Variants in RPS11 observed in about 807,000 individuals in gnomAD.
RPS11 encodes the protein ribosomal protein S11, also known as small ribosomal subunit protein uS17.
For missense variants in RPS11, 127 were observed against 211.4 expected (o/e 0.60, Z 2.48); for synonymous variants, 107 against 78.0 (o/e 1.37, Z -1.96).
intron 4 of RPS11, 90 bp from the exon 5 acceptor site, chr19:49,499,422 G>C (rs2079923501): frequency 7.0e-7 from 1 of 1,425,208 alleles, no homozygotes; most frequent in South Asian, 1.3e-5. Context: ...CCGAAGCAGA[G>C]AGCCTTTAGC....
In RPS11 at chr19:49,496,476, G is replaced by C. The variant is rs202145895; in HGVS notation, c.15+5G>C. 1.2e-6 allele frequency: 2 copies of C among 1,610,824 alleles called. No individual in the cohort carries two copies. Among genetic ancestry groups the C allele is most frequent in the Admixed American group, 1.7e-5 (1 of 59,824 alleles). ...GGGAAGATGGCGGACATTCAGGTGC[G>C]GACTCGGGGTTGGATGCCAGGGTGC... On this transcript the variant is annotated splice_donor_5th_base_variant and intron_variant, in intron 1 of 4. Coordinates refer to ENST00000270625, the MANE Select transcript of RPS11 (RefSeq NM_001015.5).
At chr19:49,498,467 T>A (rs1015237838) in intron 4 of RPS11, among the ~76,000 whole-genome samples, 1 of 152,154 alleles carries the variant, frequency 6.6e-6, no homozygotes, top group Non-Finnish European at 1.5e-5. Context: ...AGTTTCAGAT[T>A]CTAGCCAGGC....
chr19:49,499,317 TGTACAGC>T (rs1268514586), intron 4 of RPS11, among the ~76,000 whole-genome samples, 188 bp from the exon 5 acceptor site: 1 of 152,168 alleles, frequency 6.6e-6, no homozygotes, highest in South Asian at 2.1e-4. Flanking sequence ...GCCTGCTCTG[TGTACAGC>T]GTTGAGCTTG....
intron 1 of RPS11, 121 bp from the exon 2 acceptor site, chr19:49,497,073 C>A: frequency 8.2e-7 from 1 of 1,212,838 alleles, no homozygotes; most frequent in African/African-American, 1.5e-5. Flanking sequence ...GCCTTGGACG[C>A]CGGCGCTTTG....
chr19:49,498,084 T>G, intron 4 of RPS11, 38 bp downstream of exon 4: 2 of 1,609,974 alleles, frequency 1.2e-6, no homozygotes, highest in South Asian at 1.1e-5. Context: ...CAGGCCACGC[T>G]CTCTCAGCCT....
intron 1 of RPS11, 169 bp from the exon 2 acceptor site, chr19:49,497,025 G>C (rs561445327): frequency 1.2e-5 from 8 of 664,546 alleles, no homozygotes; most frequent in Non-Finnish European, 1.8e-5. Flanking sequence ...GGTAAGGTCA[G>C]GGTGGTCATG....
In RPS11 at chr19:49,497,291, A is replaced by G. The variant is rs768567006; in HGVS notation, c.113A>G (p.Lys38Arg). 2.5e-6 allele frequency: 4 copies of G among 1,614,032 alleles called. No individual in the cohort carries two copies. Among genetic ancestry groups the G allele is most frequent in the South Asian group, 2.2e-5 (2 of 91,084 alleles). The change falls in exon 2 of 5, where the codon AAG becomes AGG. Residue 38 changes from lysine (K) to arginine (R), a missense_variant. Physicochemically the swap from Lys to Arg is conservative, Grantham distance 26 (BLOSUM62 2). Coordinates refer to ENST00000270625, the MANE Select transcript of RPS11 (RefSeq NM_001015.5). ...TGKEKLPRYYKNIGLGFKTPK... is the reference protein window; with the variant it reads ...TGKEKLPRYYRNIGLGFKTPK... ...AAGGAGAAGCTCCCGCGGTACTACA[A>G]GAACATCGGTCTGGGCTTCAAGACA...
In RPS11 at chr19:49,497,926, C is replaced by T. The variant is rs762893327; in HGVS notation, c.233C>T (p.Thr78Ile). ...CGGCCCCCGCTCCTAGGCGTGGTGA[C>T]CAAGATGAAGATGCAGAGGACCATT... ...IRGRILSGVV[T>I]KMKMQRTIVI... The change falls in exon 4 of 5, where the codon ACC becomes ATC. Residue 78 changes from threonine to isoleucine, a missense_variant. By Grantham distance (89) the Thr-to-Ile change is moderately conservative (BLOSUM62 -1). Coordinates refer to ENST00000270625, the MANE Select transcript of RPS11 (RefSeq NM_001015.5). 2.5e-6 allele frequency: 4 copies of T among 1,613,986 alleles called. No individual in the cohort carries two copies. Among genetic ancestry groups the T allele is most frequent in the East Asian group, 4.5e-5 (2 of 44,892 alleles).
intron 4 of RPS11, among the ~76,000 whole-genome samples, chr19:49,499,267 A>G (rs1221160187): frequency 6.6e-6 from 1 of 152,140 alleles, no homozygotes; most frequent in Non-Finnish European, 1.5e-5. Flanking sequence ...TGCTTGTGAA[A>G]TGGAGCTCGT....
Position 49,497,386 on chromosome 19 carries a change from G to T in RPS11, c.147+61G>T, listed in dbSNP as rs1016649377. 4 of 1,609,498 alleles carry T rather than the reference G, an allele frequency of 2.5e-6. No individual in the cohort carries two copies. In the South Asian group the frequency reaches 3.3e-5, roughly 13 times the overall value. Reference sequence around the variant, plus strand: ...GCGTTCCTGCACGTGTGCCCACGACGAGTTGCCCTGCCTGCATCTAAGTGG... The same window carrying T: ...GCGTTCCTGCACGTGTGCCCACGACTAGTTGCCCTGCCTGCATCTAAGTGG... On this transcript the variant is annotated intron_variant, in intron 2 of 4. Coordinates refer to ENST00000270625, the MANE Select transcript of RPS11 (RefSeq NM_001015.5).
chr19:49,497,476 C>T (rs550309405), intron 2 of RPS11, 44 bp from the exon 3 acceptor site: 2 of 1,606,222 alleles, frequency 1.2e-6, no homozygotes, highest in African/African-American at 1.3e-5. Context: ...TTTTAAGGAA[C>T]CGCCCGCCCA....
Position 49,497,907 on chromosome 19 carries a change from C to G in RPS11, c.224-10C>G, listed in dbSNP as rs922287511. On this transcript the variant is annotated splice_polypyrimidine_tract_variant and intron_variant, in intron 3 of 4. Coordinates refer to ENST00000270625, the MANE Select transcript of RPS11 (RefSeq NM_001015.5). Reference sequence around the variant, plus strand: ...ATGGGACCTGACCTATGATCGGCCCCCGCTCCTAGGCGTGGTGACCAAGAT... The same window carrying G: ...ATGGGACCTGACCTATGATCGGCCCGCGCTCCTAGGCGTGGTGACCAAGAT... The G allele has an allele frequency of 3.1e-6, 5 of 1,614,154 alleles. No homozygotes were observed. Among genetic ancestry groups the G allele is most frequent in the Non-Finnish European group, 4.2e-6 (5 of 1,180,026 alleles).
chr19:49,499,247 G>A (rs2079922636), intron 4 of RPS11, among the ~76,000 whole-genome samples: 1 of 152,166 alleles, frequency 6.6e-6, no homozygotes, highest in African/African-American at 2.4e-5. Flanking sequence ...CAACTTGGGG[G>A]CCTCCAGTTT....
chr19:49,498,140 A>T, intron 4 of RPS11, 94 bp downstream of exon 4: 1 of 1,387,026 alleles, frequency 7.2e-7, no homozygotes, highest in Admixed American at 1.7e-5. Flanking sequence ...AGGGAGGGAA[A>T]GACTGAGGTG....
At chr19:49,496,538 G>A (rs752130711) in intron 1 of RPS11, 67 bp downstream of exon 1, 1 of 1,504,930 alleles carries the variant, frequency 6.6e-7, no homozygotes, top group Admixed American at 2.1e-5. Context: ...CGTCCGGGAG[G>A]GCAGAGCCCG....
chr19:49,497,676 G>A (rs2122638305), intron 3 of RPS11, 81 bp downstream of exon 3: 1 of 1,360,744 alleles, frequency 7.3e-7, no homozygotes, highest in Non-Finnish European at 1.1e-6. Context: ...GGTCCTGGGT[G>A]AGAGGGGTGG....
In RPS11 at chr19:49,499,468, T is replaced by C. The variant is rs751990721; in HGVS notation, c.354-44T>C. 6.9e-6 allele frequency: 11 copies of C among 1,593,028 alleles called. No individual in the cohort carries two copies. The Admixed American group carries it at 1.9e-4, about 27-fold the overall frequency. On this transcript the variant is annotated intron_variant, in intron 4 of 4. Transcript: ENST00000270625. ...GGAGGGAGGGCCTCCTGGGGTCTGC[T>C]GGGGTGGCCCCTCCTGAGGACATGG... is the stretch of plus-strand genomic sequence containing the variant.
At chr19:49,499,128 G>T (rs894776532) in intron 4 of RPS11, among the ~76,000 whole-genome samples, 1 of 152,172 alleles carries the variant, frequency 6.6e-6, no homozygotes, top group Non-Finnish European at 1.5e-5. Flanking sequence ...AGTCCTGTGG[G>T]TGGAGAGGAG....
Position 49,497,216 on chromosome 19 carries a change from A to G in RPS11, c.38A>G (p.Gln13Arg). ...DIQTERAYQKQPTIFQNKKRV... is the reference protein window; with the variant it reads ...DIQTERAYQKRPTIFQNKKRV... The stretch of plus-strand genomic sequence containing the variant: ...TAGACTGAGCGTGCCTACCAAAAGC[A>G]GCCGACCATCTTTCAAAACAAGAAG... The change falls in exon 2 of 5, where the codon CAG becomes CGG. Residue 13 changes from glutamine (Q) to arginine (R), a missense_variant. By Grantham distance (43) the Gln-to-Arg change is conservative. Transcript: ENST00000270625. 6.2e-7 allele frequency: 1 copy of G among 1,614,088 alleles called. No homozygotes were observed. The highest frequency in any genetic ancestry group is 8.5e-7 in the Non-Finnish European group (1 of 1,180,034).
Sources: allele counts gnomAD v4.1 joint callset (sites outside exome capture counted in the v4.1 genomes callset), GRCh38; gene constraint gnomAD v4.1.1; transcripts MANE v1.5; gene names NCBI Gene and HGNC (gene_info 2026-07-23, HGNC 2026-07-21).